The following DHTKD1 variants were observed in gnomAD, a reference collection of about 807,000 sequenced individuals.
The protein encoded by DHTKD1 is dehydrogenase E1 and transketolase domain containing 1, also known as 2-oxoadipate dehydrogenase complex component E1.
DHTKD1 carries 78 observed loss-of-function variants against 101.8 expected under a neutral mutation model. The observed-to-expected ratio is 0.77, with a 90% CI of 0.64 to 0.93. DHTKD1 has a LOEUF of 0.93. DHTKD1 is among the 40% of genes least tolerant of loss of function. The pLI is 0.00. For missense variants in DHTKD1, 1,223 were observed against 1,161.7 expected (o/e 1.05, Z -0.77); for synonymous variants, 462 against 450.3 (o/e 1.03, Z -0.33).
intron 14 of DHTKD1, among the ~76,000 whole-genome samples, chr10:12,118,195 T>C (rs1470261187): frequency 6.6e-6 from 1 of 151,662 alleles, no homozygotes; most frequent in African/African-American, 2.4e-5. Context: ...TGGCCTCCTC[T>C]ATCCTAAGTC....
At chr10:12,100,290 T>TTTTTTTTTTTTTTTTTTTTTTTTTG in intron 9 of DHTKD1, 28 bp downstream of exon 9, 1 of 843,580 alleles carries the variant, frequency 1.2e-6, no homozygotes. Flanking sequence ...TTTTTCTGTT[T>TTTTTTTTTTTTTTTTTTTTTTTTTG]TTTTTTTTTT....
chr10:12,118,835 T>C lies in DHTKD1; in HGVS notation c.2489T>C (p.Phe830Ser). 1 of 1,609,032 alleles carries C rather than the reference T, an allele frequency of 6.2e-7. No individual in the cohort carries two copies. The highest frequency in any genetic ancestry group is 1.7e-4 in the Middle Eastern group (1 of 6,048). The change falls in exon 15 of 17, where the codon TTT (phenylalanine) becomes TCT (serine). Residue 830 changes from phenylalanine (F) to serine (S), a missense_variant. Physicochemically the swap from Phe to Ser is radical, Grantham distance 155 (BLOSUM62 -2). Coordinates refer to ENST00000263035, the MANE Select transcript of DHTKD1 (RefSeq NM_018706.7). ...RESLGAKKHD[F>S]AIIRVEELCP... is the part of the protein sequence containing the mutation. ...TCTCTGGGGGCCAAGAAGCATGACTTTGCCATCATCCGAGTAGAGGAACTC... is the reference window on the plus strand; with the variant it reads ...TCTCTGGGGGCCAAGAAGCATGACTCTGCCATCATCCGAGTAGAGGAACTC...
intron 9 of DHTKD1, 40 bp downstream of exon 9, chr10:12,100,302 G>GTTTA: frequency 2.5e-5 from 1 of 40,430 alleles, no homozygotes; most frequent in Non-Finnish European, 3.5e-5. Context: ...TTTTTTTTTT[G>GTTTA]AGTCTCACCC....
chr10:12,119,497 T>A (rs1341814586), intron 15 of DHTKD1, among the ~76,000 whole-genome samples: 5 of 149,164 alleles, frequency 3.4e-5, no homozygotes, highest in African/African-American at 1.2e-4. Flanking sequence ...GCGCCTGTAG[T>A]CCCAGCTACT....
Position 12,100,239 on chromosome 10 carries a change from CCTTGGGTT to C in DHTKD1, c.1737_1744del (p.Leu579PhefsTer7). On this transcript the variant is annotated frameshift_variant, in exon 9 of 17. Transcript: ENST00000263035. LOFTEE classifies it high-confidence loss of function. ...GACTGGGCCACCGCGGAAGCTCTTG[CCTTGGGTT>C]CTTTACTTGCTCAAGGTAAGAATTT... is the stretch of plus-strand genomic sequence containing the variant. The C allele has an allele frequency of 6.4e-7, 1 of 1,558,682 alleles. No individual in the cohort carries two copies. The highest frequency in any genetic ancestry group is 1.7e-4 in the Middle Eastern group (1 of 5,830).
chr10:12,120,710 G>A (rs1392364185), intron 16 of DHTKD1, 77 bp from the exon 17 acceptor site: 2 of 1,182,910 alleles, frequency 1.7e-6, no homozygotes, highest in African/African-American at 3.0e-5. Context: ...AGAAATACAT[G>A]CACTGTCTTG....
intron 1 of DHTKD1, among the ~76,000 whole-genome samples, chr10:12,076,918 A>C (rs1043258199): frequency 6.9e-6 from 1 of 145,800 alleles, no homozygotes; most frequent in Admixed American, 7.2e-5. Context: ...CGCCTCCCAA[A>C]GTGCTAGGAT....
In DHTKD1 at chr10:12,081,473, T is replaced by C. The variant is rs1160225038; in HGVS notation, c.156T>C (p.Val52=). 2.5e-6 allele frequency: 4 copies of C among 1,613,958 alleles called. No individual in the cohort carries two copies. The Admixed American group carries it at 6.7e-5, about 27-fold the overall frequency. Residue 52 remains valine, a splice_region_variant and synonymous_variant, in exon 2 of 17, where the codon GTT becomes GTC. Coordinates refer to ENST00000263035, the MANE Select transcript of DHTKD1 (RefSeq NM_018706.7). ...TTTTTAAATTTTCCCCTGATTTAGT[T>C]GATCATGGCCTTGCCAGGTTGGTGA... is the stretch of plus-strand genomic sequence containing the variant. ...EPQGALERPP[V]DHGLARLVTV...
chr10:12,104,225 C>A (rs545279387), intron 10 of DHTKD1, among the ~76,000 whole-genome samples: 1 of 152,300 alleles, frequency 6.6e-6, no homozygotes, highest in African/African-American at 2.4e-5. Flanking sequence ...GTTGCCCAGG[C>A]TGGAGTGCAG....
chr10:12,106,197 T>C, intron 10 of DHTKD1, 49 bp from the exon 11 acceptor site: 4 of 1,607,842 alleles, frequency 2.5e-6, no homozygotes, highest in Non-Finnish European at 3.4e-6. Context: ...AGCCCAGTGC[T>C]CTGCCGTGGC....
intron 15 of DHTKD1, among the ~76,000 whole-genome samples, chr10:12,119,726 T>C (rs537157071): frequency 2.6e-5 from 4 of 151,916 alleles, no homozygotes; most frequent in Non-Finnish European, 5.9e-5. Flanking sequence ...GATGCTGGGT[T>C]AATACCTAGG....
At chr10:12,117,304 C>CT (rs71382683) in intron 13 of DHTKD1, among the ~76,000 whole-genome samples, 1,939 of 71,588 alleles carry the variant, frequency 0.027, 43 homozygotes, top group African/African-American at 0.034. Context: ...GCCACGGCAC[C>CT]TTTTTTTTTT....
intron 1 of DHTKD1, among the ~76,000 whole-genome samples, chr10:12,071,258 C>T (rs1161669725): frequency 6.6e-6 from 1 of 152,124 alleles, no homozygotes. Context: ...AAAACTTAGT[C>T]ACATGGCCAC....
At chr10:12,102,723 A>G (rs139541422) in intron 10 of DHTKD1, among the ~76,000 whole-genome samples, 180 of 152,142 alleles carry the variant, frequency 1.2e-3, no homozygotes, top group African/African-American at 4.2e-3. Context: ...TCATTCATTC[A>G]TTCATTCGTT....
rs761295635 is a variant in DHTKD1 at position 12,101,138 on chromosome 10, T to A, written c.1853T>A (p.Ile618Asn). The change falls in exon 10 of 17, where the codon ATC becomes AAC. Residue 618 changes from isoleucine (I) to asparagine (N), a missense_variant. Transcript: ENST00000263035. ...VVCQETDDTY[I>N]PLNHMDPNQK... ...TGCCAGGAGACGGATGACACCTACA[T>A]CCCCCTGAACCATATGGACCCAAAT... The A allele has an allele frequency of 3.2e-5, 51 of 1,613,908 alleles. No homozygotes were observed. The highest frequency in any genetic ancestry group is 4.2e-5 in the Non-Finnish European group (50 of 1,179,996).
intron 6 of DHTKD1, among the ~76,000 whole-genome samples, chr10:12,093,785 A>G (rs1489196820): frequency 6.6e-6 from 1 of 152,208 alleles, no homozygotes; most frequent in Non-Finnish European, 1.5e-5. Flanking sequence ...GTTAGGCATT[A>G]CAATTGTTTG....
At chr10:12,098,364 AC>A (rs1419442205) in intron 8 of DHTKD1, among the ~76,000 whole-genome samples, 7 of 152,106 alleles carry the variant, frequency 4.6e-5, no homozygotes, top group African/African-American at 1.7e-4. Flanking sequence ...CAACACACAT[AC>A]CCCAAGGTAG....
intron 5 of DHTKD1, 83 bp from the exon 6 acceptor site, chr10:12,091,430 A>AT: frequency 2.2e-6 from 2 of 890,884 alleles, no homozygotes; most frequent in African/African-American, 1.7e-5. Flanking sequence ...AAAAAAAAAA[A>AT]GTTATTCCAA....
At chr10:12,071,734 C>T (rs1445102411) in intron 1 of DHTKD1, among the ~76,000 whole-genome samples, 1 of 152,118 alleles carries the variant, frequency 6.6e-6, no homozygotes, top group Non-Finnish European at 1.5e-5. Flanking sequence ...TGCCATGTTG[C>T]CCAGGCTGGT....
Sources: allele counts gnomAD v4.1 joint callset (sites outside exome capture counted in the v4.1 genomes callset), GRCh38; gene constraint gnomAD v4.1.1; transcripts MANE v1.5; gene names NCBI Gene and HGNC (gene_info 2026-07-23, HGNC 2026-07-21).